Variants in PCDHA3 observed in about 807,000 individuals in gnomAD.
The protein encoded by PCDHA3 is protocadherin alpha-3.
Under a neutral mutation model 62.2 loss-of-function variants are expected in PCDHA3, and 41 were observed. That is an observed-to-expected ratio of 0.66 (90% confidence interval 0.51 to 0.86). The LOEUF is 0.86. PCDHA3 is among the 40% of genes least tolerant of loss of function. The pLI is 0.00. For synonymous variants in PCDHA3, 640 were observed against 555.4 expected, an observed-to-expected ratio of 1.15 and a Z score of -2.14; for missense variants, 1,304 against 1,241.2, an observed-to-expected ratio of 1.05 and a Z score of -0.76.
At chr5:140,834,086 C>A (rs1400952660) in intron 1 of PCDHA3, among the ~76,000 whole-genome samples, 2 of 152,152 alleles carry the variant, frequency 1.3e-5, no homozygotes, top group Non-Finnish European at 2.9e-5. Context: ...TAACCTTTAA[C>A]AACAATGAAG....
intron 1 of PCDHA3, chr5:140,821,853 G>C: frequency 6.2e-7 from 1 of 1,614,206 alleles, no homozygotes; most frequent in South Asian, 1.1e-5. Flanking sequence ...GGAAGGCAGG[G>C]AGCGGCCAGC....
intron 1 of PCDHA3, chr5:140,870,384 G>A: frequency 6.2e-7 from 1 of 1,614,230 alleles, no homozygotes; most frequent in African/African-American, 1.3e-5. Context: ...TGACTGCGCG[G>A]GATGGGGGTT....
chr5:140,829,779 C>T (rs782207845), intron 1 of PCDHA3: 10 of 1,613,790 alleles, frequency 6.2e-6, no homozygotes, highest in Non-Finnish European at 6.8e-6. Context: ...GACAACGCGC[C>T]GGCGCTGCTG....
At chr5:140,947,299 C>T (rs547529076) in intron 1 of PCDHA3, among the ~76,000 whole-genome samples, 1 of 151,554 alleles carries the variant, frequency 6.6e-6, no homozygotes, top group South Asian at 2.1e-4. Context: ...ATTATCTTGA[C>T]ATCTTTGTAA....
chr5:140,856,488 T>C lies in PCDHA3; in HGVS notation c.2394+52897T>C. Reference sequence around the variant, plus strand: ...CTCTCAATACCTGAATCCAGACTGCTTGACTCTCGATTTCCACTAGAAGGC... The same window carrying C: ...CTCTCAATACCTGAATCCAGACTGCCTGACTCTCGATTTCCACTAGAAGGC... On this transcript the variant is annotated intron_variant, in intron 1 of 3. Coordinates refer to ENST00000522353, the MANE Select transcript of PCDHA3 (RefSeq NM_018906.3). 3.1e-6 allele frequency: 5 copies of C among 1,598,406 alleles called. 2 individuals carry two copies. Among genetic ancestry groups the C allele is most frequent in the Non-Finnish European group, 3.4e-6 (4 of 1,167,896 alleles).
At position 140,905,827 on chromosome 5, in the gene PCDHA3, A is replaced by T. The variant is rs140988076; in HGVS notation, c.2395-73122A>T. 2.2e-3 allele frequency among the ~76,000 whole-genome samples: 329 copies of T among 152,298 alleles called. 1 individual carries two copies. The highest frequency in any genetic ancestry group is 7.5e-3 in the African/African-American group (311 of 41,554). The stretch of plus-strand genomic sequence containing the variant: ...CAGAATTAATAGGCTAGATGTGTAT[A>T]TAAAGGGGAGTTTATTAAGGAGTAT... On this transcript the variant is annotated intron_variant, in intron 1 of 3. Coordinates refer to ENST00000522353, the MANE Select transcript of PCDHA3 (RefSeq NM_018906.3).
At chr5:140,955,669 G>C (rs1031483633) in intron 1 of PCDHA3, among the ~76,000 whole-genome samples, 2 of 152,094 alleles carry the variant, frequency 1.3e-5, no homozygotes, top group African/African-American at 4.8e-5. Flanking sequence ...TTTTAACATA[G>C]TTTTTTCGAA....
At chr5:140,967,102 G>T (rs1279026258) in intron 1 of PCDHA3, 1 of 1,612,978 alleles carries the variant, frequency 6.2e-7, no homozygotes, top group African/African-American at 1.3e-5. Context: ...CGCTGTGTGA[G>T]CAGCGGCCTC....
intron 1 of PCDHA3, among the ~76,000 whole-genome samples, chr5:140,941,941 T>G (rs1461291615): frequency 1.3e-5 from 2 of 152,246 alleles, no homozygotes; most frequent in Admixed American, 1.3e-4. Context: ...TGAATTACTT[T>G]TGTTTTGAAA....
chr5:140,925,721 T>C lies in PCDHA3; in HGVS notation c.2395-53228T>C, dbSNP rs1360748997. Among the ~76,000 whole-genome samples the C allele has an allele frequency of 3.3e-5, 5 of 151,692 alleles. No individual in the cohort carries two copies. In the East Asian group the frequency reaches 7.7e-4, roughly 23 times the overall value. ...AGCCTATTCTTATCCTGCCTCATGG[T>C]GTTTTCTAAATATTTACAGAAAGAA... On this transcript the variant is annotated intron_variant, in intron 1 of 3. Transcript: ENST00000522353.
At chr5:140,830,150 G>GTTT (rs1770856321) in intron 1 of PCDHA3, 1 of 1,613,300 alleles carries the variant, frequency 6.2e-7, no homozygotes, top group East Asian at 2.2e-5. Context: ...GGTGGGCGCC[G>GTTT]CGGGCCCAGA....
intron 1 of PCDHA3, among the ~76,000 whole-genome samples, chr5:140,893,139 C>G (rs2063839594): frequency 6.6e-6 from 1 of 152,186 alleles, no homozygotes; most frequent in East Asian, 1.9e-4. Context: ...TCTTTATCCA[C>G]TCATCTGTTG....
chr5:140,903,086 C>T lies in PCDHA3; in HGVS notation c.2395-75863C>T, dbSNP rs534457835. 2.6e-5 allele frequency among the ~76,000 whole-genome samples: 4 copies of T among 152,260 alleles called. No homozygotes were observed. In the East Asian group the frequency reaches 7.7e-4, roughly 29 times the overall value. ...CCTTTGGGTAGATACCTGATAGTGGCATTGCTGGATCAAATAATAGCTCTA... is the reference window on the plus strand; with the variant it reads ...CCTTTGGGTAGATACCTGATAGTGGTATTGCTGGATCAAATAATAGCTCTA... On this transcript the variant is annotated intron_variant, in intron 1 of 3. Transcript: ENST00000522353.
intron 1 of PCDHA3, chr5:140,883,942 G>A (rs1223058684): frequency 1.9e-6 from 3 of 1,613,328 alleles, no homozygotes; most frequent in African/African-American, 2.7e-5. Context: ...TGCTGGACGA[G>A]AACGACAACG....
intron 1 of PCDHA3, chr5:140,823,507 G>A: frequency 6.2e-6 from 10 of 1,613,354 alleles, no homozygotes; most frequent in East Asian, 2.2e-5. Flanking sequence ...CGCAGTGAGC[G>A]AGCTGGTGCC....
chr5:140,918,321 T>C (rs1175303192), intron 1 of PCDHA3, among the ~76,000 whole-genome samples: 2 of 152,054 alleles, frequency 1.3e-5, no homozygotes, highest in Non-Finnish European at 2.9e-5. Flanking sequence ...GGTATAAAAT[T>C]ATATTGTCTG....
At chr5:140,921,435 A>C (rs997660613) in intron 1 of PCDHA3, among the ~76,000 whole-genome samples, 4 of 152,120 alleles carry the variant, frequency 2.6e-5, no homozygotes, top group African/African-American at 4.8e-5. Flanking sequence ...ATTTTCTTCA[A>C]TGGTGTCTGA....
chr5:140,973,582 T>C lies in PCDHA3; in HGVS notation c.2395-5367T>C, dbSNP rs76146918. Among the ~76,000 whole-genome samples the C allele has an allele frequency of 4.6e-3, 708 of 152,364 alleles. 4 individuals are homozygous for C. The highest frequency in any genetic ancestry group is 0.016 in the African/African-American group (685 of 41,596). On this transcript the variant is annotated intron_variant, in intron 1 of 3. Coordinates refer to ENST00000522353, the MANE Select transcript of PCDHA3 (RefSeq NM_018906.3). ...TTTCCTCAATTTTTCTACAGACTGC[T>C]GAGCCAGATGGAATTATGGCTGAGC...
intron 1 of PCDHA3, chr5:140,848,307 CTT>C (rs1781430296): frequency 1.4e-6 from 1 of 711,402 alleles, no homozygotes; most frequent in Non-Finnish European, 2.4e-6. Context: ...TGATGTCACT[CTT>C]TGCCGCGATG....
Sources: allele counts gnomAD v4.1 joint callset (sites outside exome capture counted in the v4.1 genomes callset), GRCh38; gene constraint gnomAD v4.1.1; transcripts MANE v1.5; gene names NCBI Gene and HGNC (gene_info 2026-07-23, HGNC 2026-07-21).